The following TBC1D5 variants were observed in gnomAD, a reference collection of about 807,000 sequenced individuals.
TBC1D5 encodes the protein TBC1 domain family member 5, also known as TBC1 domain family, member 5.
TBC1D5 carries 75 observed loss-of-function variants against 100.3 expected under a neutral mutation model. That is an observed-to-expected ratio of 0.75 (90% CI 0.62 to 0.91). The LOEUF (loss-of-function observed/expected upper bound fraction) is 0.91, where lower values mean the gene tolerates loss of function less well. TBC1D5 is among the 40% of genes least tolerant of loss of function. TBC1D5 has a pLI of 0.00. For missense variants in TBC1D5, 910 were observed against 942.4 expected (o/e 0.97, Z 0.45); for synonymous variants, 323 against 325.6 (o/e 0.99, Z 0.09).
At chr3:17,533,302 G>T (rs1022820595) in intron 2 of TBC1D5, among the ~76,000 whole-genome samples, 1 of 150,184 alleles carries the variant, frequency 6.7e-6, no homozygotes, top group Non-Finnish European at 1.5e-5. Context: ...ACCCAAGCTG[G>T]TTACTCAACA....
intron 1 of TBC1D5, among the ~76,000 whole-genome samples, chr3:17,636,845 A>G (rs1307930866): frequency 6.6e-6 from 1 of 151,922 alleles, no homozygotes; most frequent in Non-Finnish European, 1.5e-5. Context: ...AGATTTACCA[A>G]CTGACAGACC....
chr3:17,428,409 GTGTATATA>G (rs765512158), intron 4 of TBC1D5, 33 bp downstream of exon 4: 81 of 385,910 alleles, frequency 2.1e-4, no homozygotes, highest in Non-Finnish European at 2.3e-4. Flanking sequence ...GTGTGTGTGT[GTGTATATA>G]TATATATATA....
intron 17 of TBC1D5, among the ~76,000 whole-genome samples, chr3:17,217,010 T>C (rs529868124): frequency 1.3e-5 from 2 of 152,224 alleles, no homozygotes; most frequent in Admixed American, 1.3e-4. Context: ...AGAAAACTCA[T>C]GGCCATTAGC....
rs1190914742 is a variant in TBC1D5 at position 17,175,613 on chromosome 3, T to A, written c.1853-7785A>T. On this transcript the variant is annotated intron_variant, in intron 19 of 21. Coordinates refer to ENST00000253692, the Ensembl canonical transcript of TBC1D5. ...TAAAAACAGAAACATAGCTGATGCC[T>A]TAGTCATATGAAATAATCTGGGGTT... 2.0e-5 allele frequency among the ~76,000 whole-genome samples: 3 copies of A among 152,234 alleles called. No individual in the cohort carries two copies. In the East Asian group the frequency reaches 5.8e-4, roughly 29 times the overall value.
intron 2 of TBC1D5, among the ~76,000 whole-genome samples, chr3:17,572,836 C>T (rs1222767382): frequency 6.6e-6 from 1 of 152,044 alleles, no homozygotes; most frequent in East Asian, 1.9e-4. Flanking sequence ...TCTCTTTTCC[C>T]ATCACTTGGC....
At chr3:17,486,611 T>C (rs2095572071) in intron 3 of TBC1D5, among the ~76,000 whole-genome samples, 1 of 152,156 alleles carries the variant, frequency 6.6e-6, no homozygotes, top group Non-Finnish European at 1.5e-5. Flanking sequence ...GCAAAAACTT[T>C]AAGAATCAAC....
intron 13 of TBC1D5, among the ~76,000 whole-genome samples, chr3:17,314,474 C>A (rs1159962527): frequency 6.6e-6 from 1 of 152,134 alleles, no homozygotes; most frequent in Non-Finnish European, 1.5e-5. Flanking sequence ...CTCTCAGGAA[C>A]CTTCCCCTTT....
At chr3:17,474,222 TAGAC>T (rs924546787) in intron 3 of TBC1D5, among the ~76,000 whole-genome samples, 21 of 152,236 alleles carry the variant, frequency 1.4e-4, no homozygotes, top group Non-Finnish European at 2.4e-4. Context: ...AAACACAAAA[TAGAC>T]AGTTACACTG....
At chr3:17,672,945 T>C (rs920939245) in intron 1 of TBC1D5, among the ~76,000 whole-genome samples, 1 of 152,118 alleles carries the variant, frequency 6.6e-6, no homozygotes, top group Non-Finnish European at 1.5e-5. Context: ...GGTATACAAA[T>C]TGTGGTTTTG....
exon 5 of TBC1D5, chr3:17,406,473 T>A: frequency 1.2e-6 from 2 of 1,612,156 alleles, no homozygotes; most frequent in Non-Finnish European, 1.7e-6. Context: ...AATCCCCTTC[T>A]GCCTTATTGT....
chr3:17,663,928 C>CA (rs541586846), intron 1 of TBC1D5, among the ~76,000 whole-genome samples: 187 of 151,732 alleles, frequency 1.2e-3, no homozygotes, highest in African/African-American at 4.2e-3. Flanking sequence ...GTAATAGATG[C>CA]AAAAAAAATC....
chr3:17,695,677 T>C (rs551693856), intron 1 of TBC1D5, among the ~76,000 whole-genome samples: 64 of 152,212 alleles, frequency 4.2e-4, no homozygotes, highest in African/African-American at 1.4e-3. Context: ...CTGTCAATAT[T>C]AGACAGATCA....
intron 1 of TBC1D5, among the ~76,000 whole-genome samples, chr3:17,686,321 T>C (rs2070274304): frequency 6.6e-6 from 1 of 152,134 alleles, no homozygotes; most frequent in Non-Finnish European, 1.5e-5. Context: ...ATAGCATTCT[T>C]TATATCCTTA....
At chr3:17,593,722 T>C (rs542981308) in intron 2 of TBC1D5, among the ~76,000 whole-genome samples, 1 of 152,210 alleles carries the variant, frequency 6.6e-6, no homozygotes, top group Non-Finnish European at 1.5e-5. Context: ...GGTGGGCTTA[T>C]GCTCATGGAA....
intron 1 of TBC1D5, among the ~76,000 whole-genome samples, chr3:17,704,211 C>A (rs559836665): frequency 7.5e-6 from 1 of 133,774 alleles, no homozygotes; most frequent in Non-Finnish European, 1.6e-5. Context: ...GGACACAGCA[C>A]ATGTTTCAGA....
chr3:17,720,772 G>T (rs775064497), intron 1 of TBC1D5, among the ~76,000 whole-genome samples: 1 of 151,986 alleles, frequency 6.6e-6, no homozygotes, highest in African/African-American at 2.4e-5. Flanking sequence ...AAGTGATAGC[G>T]CCACTACCCT....
chr3:17,481,929 C>T (rs528002320), intron 3 of TBC1D5, among the ~76,000 whole-genome samples: 20 of 152,194 alleles, frequency 1.3e-4, no homozygotes, highest in African/African-American at 3.6e-4. Flanking sequence ...TTAGTAGAGA[C>T]GGGGTTTTAC....
At chr3:17,718,804 C>T (rs938095864) in intron 1 of TBC1D5, among the ~76,000 whole-genome samples, 11 of 151,918 alleles carry the variant, frequency 7.2e-5, no homozygotes, top group Non-Finnish European at 1.6e-4. Context: ...TTTTATAATA[C>T]CATTTAATAA....
At chr3:17,237,110 T>C (rs959263678) in intron 17 of TBC1D5, among the ~76,000 whole-genome samples, 1 of 152,164 alleles carries the variant, frequency 6.6e-6, no homozygotes, top group Non-Finnish European at 1.5e-5. Context: ...ACTGACAATA[T>C]TACTCATGTT....
Sources: allele counts gnomAD v4.1 joint callset (sites outside exome capture counted in the v4.1 genomes callset), GRCh38; gene constraint gnomAD v4.1.1; transcripts MANE v1.5; gene names NCBI Gene and HGNC (gene_info 2026-07-23, HGNC 2026-07-21).